NOL4L: variants seen among roughly 807,000 people sequenced by gnomAD.
NOL4L encodes nucleolar protein 4-like.
NOL4L carries 7 observed loss-of-function variants against 64.5 expected under a neutral mutation model. The observed-to-expected ratio is 0.11, with a 90% CI of 0.06 to 0.20. The LOEUF is 0.20. NOL4L is among the 10% of genes least tolerant of loss of function. The pLI is 1.00. For missense variants in NOL4L, 680 were observed against 967.1 expected (o/e 0.70, Z 3.94); for synonymous variants, 413 against 401.0 (o/e 1.03, Z -0.36).
chr20:32,456,142 T>A lies in NOL4L; in HGVS notation c.1095A>T (p.Lys365Asn), dbSNP rs749626933. Residue 365 changes from lysine (K) to asparagine (N), a missense_variant, in exon 6 of 11, where the codon AAA (lysine) becomes AAT (asparagine). This residue lies in a region of NOL4L where 254 missense variants were observed against 238.7 expected (regional missense o/e 1.06). Coordinates refer to ENST00000621426, the MANE Select transcript of NOL4L (RefSeq NM_001256798.2). ...CCTCGGGGGTGGTCTTCACCCCGTATTTGACGCGGCTCCGCAGCCCGTCGG... is the reference window on the plus strand; with the variant it reads ...CCTCGGGGGTGGTCTTCACCCCGTAATTGACGCGGCTCCGCAGCCCGTCGG... ...CGADGLRSRV[K>N]YGVKTTPESP... 16 of 1,553,020 alleles carry A rather than the reference T, an allele frequency of 1.0e-5. No homozygotes were observed. Among genetic ancestry groups the A allele is most frequent in the Non-Finnish European group, 1.4e-5 (16 of 1,146,822 alleles).
chr20:32,474,509 C>T, intron 5 of NOL4L, 92 bp downstream of exon 5: 2 of 1,465,166 alleles, frequency 1.4e-6, no homozygotes, highest in Non-Finnish European at 1.8e-6. Flanking sequence ...GATTCCGCCA[C>T]CCTGGAGTGT....
chr20:32,475,447 A>C lies in NOL4L; in HGVS notation c.700-705T>G, dbSNP rs1030756427. ...CCTGGGGGGCCGCCAGGGCGTTCCA[A>C]ACAGCCGGATGGCCTGCTAGAGAGG... On this transcript the variant is annotated intron_variant, in intron 4 of 10. Coordinates refer to ENST00000621426, the MANE Select transcript of NOL4L (RefSeq NM_001256798.2). The C allele has an allele frequency of 5.6e-6, 3 of 536,018 alleles. No homozygotes were observed. The African/African-American group carries it at 6.2e-5, about 11-fold the overall frequency. 33.2% of individuals were successfully genotyped at this position (536,018 alleles called of 1,614,324 possible). A position where few individuals can be genotyped will look rare whatever the true frequency, so the allele number is the denominator to read the frequency against.
At chr20:32,461,350 G>GT (rs1382061921) in intron 5 of NOL4L, among the ~76,000 whole-genome samples, 3 of 151,018 alleles carry the variant, frequency 2.0e-5, no homozygotes, top group African/African-American at 7.3e-5. Context: ...AGGGCTCTGC[G>GT]TAAAGGTCAC....
intron 3 of NOL4L, among the ~76,000 whole-genome samples, chr20:32,517,998 T>G (rs1266581113): frequency 6.6e-6 from 1 of 152,200 alleles, no homozygotes; most frequent in Non-Finnish European, 1.5e-5. Context: ...AGGATCTTTG[T>G]AACTGTCATG....
intron 4 of NOL4L, among the ~76,000 whole-genome samples, chr20:32,509,517 C>CA (rs71338441): frequency 0.31 from 19,301 of 62,556 alleles, 3,441 homozygotes; most frequent in East Asian, 0.6. Context: ...GACTCTGCCT[C>CA]AAAAAAAAAA....
rs572370185 is a variant in NOL4L, at chr20:32,466,832, C to T, written c.841+7769G>A. Among the ~76,000 whole-genome samples, 43 of 152,304 alleles carry T rather than the reference C, an allele frequency of 2.8e-4. No individual in the cohort carries two copies. The South Asian group carries it at 8.9e-3, about 32-fold the overall frequency. ...ACAGGCCAGCCCAGGGAGGCTGGTG[C>T]AGGGGCCACACCTCCTGCCATGCAA... is the stretch of plus-strand genomic sequence containing the variant. On this transcript the variant is annotated intron_variant, in intron 5 of 10. Coordinates refer to ENST00000621426, the MANE Select transcript of NOL4L (RefSeq NM_001256798.2).
intron 1 of NOL4L, among the ~76,000 whole-genome samples, chr20:32,567,844 ACAC>A (rs966851344): frequency 7.2e-5 from 11 of 151,948 alleles, no homozygotes; most frequent in Non-Finnish European, 1.5e-4. Context: ...GCCATCACAC[ACAC>A]CACCATCACC....
chr20:32,460,799 T>C lies in NOL4L; in HGVS notation c.842-4404A>G, dbSNP rs1391274276. Among the ~76,000 whole-genome samples, 1 of 152,168 alleles carries C rather than the reference T, an allele frequency of 6.6e-6. No individual in the cohort carries two copies. The highest frequency in any genetic ancestry group is 2.4e-5 in the African/African-American group (1 of 41,450). ...GTGGGGATGGGGGCAACTGCCACCC[T>C]CGGAGCTCATGCTCCAGCAGCGACA... On this transcript the variant is annotated intron_variant, in intron 5 of 10. Transcript: ENST00000621426. The surrounding 1 kb of genome is among the most constrained non-coding windows in gnomAD (Gnocchi z 5.7).
At chr20:32,562,667 A>G (rs1979105746) in intron 1 of NOL4L, among the ~76,000 whole-genome samples, 1 of 151,964 alleles carries the variant, frequency 6.6e-6, no homozygotes, top group Admixed American at 6.6e-5. Flanking sequence ...GCCAGCAGGG[A>G]GAATGCTCCC....
At chr20:32,539,810 C>T (rs976152962) in intron 1 of NOL4L, among the ~76,000 whole-genome samples, 1 of 152,132 alleles carries the variant, frequency 6.6e-6, no homozygotes, top group African/African-American at 2.4e-5. Context: ...TTTACAAGAC[C>T]GCCCACCCAT....
At chr20:32,509,181 G>C (rs2017270698) in intron 4 of NOL4L, among the ~76,000 whole-genome samples, 1 of 152,148 alleles carries the variant, frequency 6.6e-6, no homozygotes, top group Non-Finnish European at 1.5e-5. Context: ...ACTGCCTGCT[G>C]TGAGCTGGGC....
chr20:32,525,525 A>C (rs1313625854), intron 2 of NOL4L, among the ~76,000 whole-genome samples: 2 of 152,242 alleles, frequency 1.3e-5, no homozygotes, highest in Non-Finnish European at 2.9e-5. Context: ...TGCTTCATGC[A>C]TGCAACCTTC....
At chr20:32,567,924 T>C (rs911761867) in intron 1 of NOL4L, among the ~76,000 whole-genome samples, 1 of 130,262 alleles carries the variant, frequency 7.7e-6, no homozygotes, top group African/African-American at 4.0e-5. Flanking sequence ...ACCACCACCA[T>C]CATCATCATC....
chr20:32,508,376 C>A (rs1471671633), intron 4 of NOL4L, among the ~76,000 whole-genome samples: 1 of 152,178 alleles, frequency 6.6e-6, no homozygotes, highest in Non-Finnish European at 1.5e-5. Flanking sequence ...CTTGATGCTG[C>A]AGATAAATAA....
At chr20:32,458,532 C>CA (rs1321739235) in intron 5 of NOL4L, among the ~76,000 whole-genome samples, 2 of 152,216 alleles carry the variant, frequency 1.3e-5, no homozygotes, top group Non-Finnish European at 2.9e-5. Flanking sequence ...ACCTGAGGTC[C>CA]AGGAGCCTCC....
At chr20:32,447,933 T>TAGGCCATAG in intron 10 of NOL4L, 117 bp from the exon 11 acceptor site, 4 of 1,299,316 alleles carry the variant, frequency 3.1e-6, no homozygotes, top group South Asian at 1.7e-5. Flanking sequence ...AGTTGGGCAC[T>TAGGCCATAG]GAAGTCCGTG....
rs373464965 is a variant in NOL4L at position 32,447,719 on chromosome 20, G to A, written c.1920C>T (p.Thr640=). ...SSTSTSRPVP[T]AQLSPTEISA... ...TGATCTCCGTGGGGCTGAGCTGAGC[G>A]GTGGGCACGGGCCTGCTGGTGCTGG... Residue 640 remains threonine (T), a synonymous_variant, in exon 11 of 11, where the codon ACC becomes ACT. Coordinates refer to ENST00000621426, the MANE Select transcript of NOL4L (RefSeq NM_001256798.2). The A allele has an allele frequency of 2.3e-5, 37 of 1,609,492 alleles. No homozygotes were observed. Among genetic ancestry groups the A allele is most frequent in the Admixed American group, 6.7e-5 (4 of 59,812 alleles).
chr20:32,448,097 C>T lies in NOL4L; in HGVS notation c.1823-281G>A, dbSNP rs578099578. 3.3e-5 allele frequency among the ~76,000 whole-genome samples: 5 copies of T among 152,276 alleles called. No homozygotes were observed. In the South Asian group the frequency reaches 8.3e-4, roughly 25 times the overall value. ...GGGGCAAAGGAACTCCTAAGATCTG[C>T]CTCTCCTCAGTGTGGTGAGCAGAGC... On this transcript the variant is annotated intron_variant, in intron 10 of 10. Transcript: ENST00000621426.
intron 1 of NOL4L, among the ~76,000 whole-genome samples, chr20:32,530,390 A>C (rs1247947115): frequency 6.6e-6 from 1 of 152,000 alleles, no homozygotes; most frequent in Non-Finnish European, 1.5e-5. Flanking sequence ...AAATACAAAA[A>C]ATTAGCCGGG....
Sources: allele counts gnomAD v4.1 joint callset (sites outside exome capture counted in the v4.1 genomes callset), GRCh38; gene constraint gnomAD v4.1.1; regional missense constraint gnomAD v4.1.1; non-coding constraint Gnocchi (gnomAD v3.1); transcripts MANE v1.5; gene names NCBI Gene and HGNC (gene_info 2026-07-23, HGNC 2026-07-21).